The following CABCOCO1 variants were observed in gnomAD, a reference collection of about 807,000 sequenced individuals.
The protein encoded by CABCOCO1 is ciliary-associated calcium-binding coiled-coil protein 1.
Under a neutral mutation model 35.7 loss-of-function variants are expected in CABCOCO1, and 28 were observed. The ratio of observed to expected loss-of-function variants is 0.78; its 90% CI spans 0.58 to 1.07. The LOEUF (loss-of-function observed/expected upper bound fraction) is 1.07, where lower values mean the gene tolerates loss of function less well. CABCOCO1 is among the 50% of genes least tolerant of loss of function. The pLI, the probability that CABCOCO1 is intolerant of heterozygous loss-of-function variation, is 0.00. For synonymous variants in CABCOCO1, 95 were observed against 100.1 expected (o/e 0.95, Z 0.30); for missense variants, 326 against 309.2 (o/e 1.05, Z -0.41).
intron 5 of CABCOCO1, among the ~76,000 whole-genome samples, chr10:61,757,591 C>T (rs1364687611): frequency 3.3e-5 from 5 of 151,988 alleles, no homozygotes; most frequent in Non-Finnish European, 7.4e-5. Flanking sequence ...GCTCAACTCT[C>T]AGTCAGAACT....
In CABCOCO1 at chr10:61,704,775, T is replaced by G. The variant is rs892881504; in HGVS notation, c.552+14154T>G. Reference sequence around the variant, plus strand: ...GCCGAAATCTCTCTCTTTTGCCCCATATTTCAATCATCCCCAAAATGCTTA... The same window carrying G: ...GCCGAAATCTCTCTCTTTTGCCCCAGATTTCAATCATCCCCAAAATGCTTA... On this transcript the variant is annotated intron_variant, in intron 5 of 7. Coordinates refer to ENST00000648843, the MANE Select transcript of CABCOCO1 (RefSeq NM_001366906.2). Among the ~76,000 whole-genome samples the G allele has an allele frequency of 7.2e-5, 11 of 151,974 alleles. 1 individual carries two copies. In the South Asian group the frequency reaches 2.3e-3, roughly 32 times the overall value.
At chr10:61,706,900 G>A (rs768491567) in intron 5 of CABCOCO1, among the ~76,000 whole-genome samples, 13 of 152,024 alleles carry the variant, frequency 8.6e-5, no homozygotes, top group Admixed American at 1.3e-4. Flanking sequence ...CCAATCACCC[G>A]AGGGATAATA....
chr10:61,731,912 T>C (rs1171158335), intron 5 of CABCOCO1, among the ~76,000 whole-genome samples: 1 of 152,058 alleles, frequency 6.6e-6, no homozygotes, highest in Non-Finnish European at 1.5e-5. Flanking sequence ...TTTTGAGTGA[T>C]TGATATCAAG....
At position 61,738,709 on chromosome 10, in the gene CABCOCO1, A is replaced by T. The variant is rs1011705275; in HGVS notation, c.553-21350A>T. On this transcript the variant is annotated intron_variant, in intron 5 of 7. Transcript: ENST00000648843. ...CATTATGTCTTAACAATTGTACAAT[A>T]AATGTTGTAGTGGCTTGAACCTTCT... Among the ~76,000 whole-genome samples the T allele has an allele frequency of 2.0e-5, 3 of 152,250 alleles. No homozygotes were observed. In the South Asian group the frequency reaches 6.2e-4, roughly 31 times the overall value.
chr10:61,719,146 C>T (rs180869400), intron 5 of CABCOCO1, among the ~76,000 whole-genome samples: 1 of 152,276 alleles, frequency 6.6e-6, no homozygotes, highest in East Asian at 1.9e-4. Flanking sequence ...AATAAGGCCC[C>T]GCTTCCTGTA....
intron 5 of CABCOCO1, 149 bp from the exon 6 acceptor site, chr10:61,759,910 C>CA: frequency 5.1e-6 from 5 of 979,558 alleles, no homozygotes; most frequent in Non-Finnish European, 5.9e-6. Flanking sequence ...CACTAGAGGA[C>CA]AAAAAGGGCA....
intron 5 of CABCOCO1, among the ~76,000 whole-genome samples, chr10:61,719,834 T>C (rs888440241): frequency 2.4e-4 from 35 of 144,064 alleles, no homozygotes; most frequent in Non-Finnish European, 4.9e-4. Context: ...GGTAGGAGAA[T>C]CACTTGAACT....
At chr10:61,737,665 G>A (rs61850505) in intron 5 of CABCOCO1, among the ~76,000 whole-genome samples, 9,170 of 152,138 alleles carry the variant, frequency 0.06, 622 homozygotes, top group African/African-American at 0.17. Context: ...GAACGTGGTC[G>A]GAGCCAAAGG....
At chr10:61,706,786 C>G (rs1026074565) in intron 5 of CABCOCO1, among the ~76,000 whole-genome samples, 1 of 152,064 alleles carries the variant, frequency 6.6e-6, no homozygotes, top group African/African-American at 2.4e-5. Flanking sequence ...AGCTCCCTCT[C>G]CATTGAATCA....
At chr10:61,677,699 C>T (rs1839560504) in intron 2 of CABCOCO1, among the ~76,000 whole-genome samples, 1 of 152,070 alleles carries the variant, frequency 6.6e-6, no homozygotes, top group Non-Finnish European at 1.5e-5. Context: ...TCCCCACTCC[C>T]CCAACCCCAC....
rs769194811 is a variant in CABCOCO1, at chr10:61,760,070, G to A, written c.564G>A (p.Glu188=). ...TTTCTTCCCATCAGCAAGTGATAGA[G>A]GTTGTCAAGTCTGCATGTGGCCCTT... The part of the protein sequence containing the change: ...EIVIGTEQVI[E]VVKSACGPFP... Residue 188 remains glutamate (E), a synonymous_variant, in exon 6 of 8, where the codon GAG becomes GAA. Coordinates refer to ENST00000648843, the MANE Select transcript of CABCOCO1 (RefSeq NM_001366906.2). 3.1e-6 allele frequency: 5 copies of A among 1,612,786 alleles called. No homozygotes were observed. The highest frequency in any genetic ancestry group is 1.1e-5 in the South Asian group (1 of 91,022).
intron 4 of CABCOCO1, among the ~76,000 whole-genome samples, chr10:61,688,247 C>G (rs1200527805): frequency 6.6e-6 from 1 of 151,986 alleles, no homozygotes; most frequent in East Asian, 1.9e-4. Flanking sequence ...TGAAGGTAAC[C>G]CAGTTATCAA....
At chr10:61,747,621 T>C (rs939185010) in intron 5 of CABCOCO1, among the ~76,000 whole-genome samples, 1 of 152,254 alleles carries the variant, frequency 6.6e-6, no homozygotes, top group Admixed American at 6.5e-5. Context: ...TTCTTGTTTC[T>C]AGCAGAATTT....
At chr10:61,714,671 A>G (rs1184372710) in intron 5 of CABCOCO1, among the ~76,000 whole-genome samples, 1 of 152,146 alleles carries the variant, frequency 6.6e-6, no homozygotes, top group Non-Finnish European at 1.5e-5. Context: ...TTCCCTCTAT[A>G]TACTGCTTTA....
intron 2 of CABCOCO1, among the ~76,000 whole-genome samples, chr10:61,679,074 T>C (rs1403126366): frequency 6.6e-6 from 1 of 152,084 alleles, no homozygotes; most frequent in Non-Finnish European, 1.5e-5. Context: ...AAGACAGCAG[T>C]AAAAAGTTGT....
At chr10:61,730,631 C>T (rs1841281312) in intron 5 of CABCOCO1, among the ~76,000 whole-genome samples, 1 of 151,824 alleles carries the variant, frequency 6.6e-6, no homozygotes, top group Non-Finnish European at 1.5e-5. Context: ...AATGTATCTT[C>T]CCATAAAATT....
At chr10:61,727,814 A>G (rs965916714) in intron 5 of CABCOCO1, among the ~76,000 whole-genome samples, 4 of 152,196 alleles carry the variant, frequency 2.6e-5, no homozygotes, top group African/African-American at 9.6e-5. Flanking sequence ...AGCTGGAACA[A>G]TTAGATGTTT....
intron 2 of CABCOCO1, among the ~76,000 whole-genome samples, chr10:61,678,482 G>C (rs541786316): frequency 6.6e-6 from 1 of 152,100 alleles, no homozygotes; most frequent in African/African-American, 2.4e-5. Context: ...AAAATGTATA[G>C]TGACATGCAA....
At chr10:61,701,004 C>G (rs768746600) in intron 5 of CABCOCO1, among the ~76,000 whole-genome samples, 8 of 151,216 alleles carry the variant, frequency 5.3e-5, no homozygotes, top group Non-Finnish European at 3.0e-5. Flanking sequence ...GAGAACGGGT[C>G]CTGAAGGACA....
Sources: allele counts gnomAD v4.1 joint callset (sites outside exome capture counted in the v4.1 genomes callset), GRCh38; gene constraint gnomAD v4.1.1; transcripts MANE v1.5; gene names NCBI Gene and HGNC (gene_info 2026-07-23, HGNC 2026-07-21).